Variants in ACTR5 observed in about 807,000 individuals in gnomAD.
ACTR5 encodes actin related protein 5, also known as actin-related protein 5.
Under a neutral mutation model 61.2 loss-of-function variants are expected in ACTR5, and 43 were observed. The observed-to-expected ratio is 0.70, with a 90% CI of 0.55 to 0.91. ACTR5 has a LOEUF of 0.91. Ranked by LOEUF, ACTR5 falls within the 40% of genes least tolerant of loss-of-function variation. The pLI, the probability that ACTR5 is intolerant of heterozygous loss-of-function variation, is 0.00. For missense variants in ACTR5, 798 were observed against 782.2 expected (o/e 1.02, Z -0.24); for synonymous variants, 333 against 310.5 (o/e 1.07, Z -0.76).
intron 8 of ACTR5, among the ~76,000 whole-genome samples, chr20:38,767,865 C>T (rs2084497547): frequency 1.3e-5 from 2 of 152,040 alleles, no homozygotes; most frequent in South Asian, 2.1e-4. Context: ...CCTACCCAGT[C>T]CGGGCCCCTG....
Position 38,748,572 on chromosome 20 carries a change from C to T in ACTR5, c.94C>T (p.Pro32Ser), listed in dbSNP as rs1601190955. 1 of 1,520,610 alleles carries T rather than the reference C, an allele frequency of 6.6e-7. No individual in the cohort carries two copies. The highest frequency in any genetic ancestry group is 8.8e-7 in the Non-Finnish European group (1 of 1,137,080). The allele number at this position is 1,520,610 out of a possible 1,614,324, so 94.2% of individuals were successfully genotyped here. A position where few individuals can be genotyped will look rare whatever the true frequency, so the allele number is the denominator to read the frequency against. Residue 32 changes from proline to serine, a missense_variant, in exon 1 of 9, where the codon CCG (proline) becomes TCG (serine). Coordinates refer to ENST00000243903, the MANE Select transcript of ACTR5 (RefSeq NM_024855.4). ...GGTGGCACACGGGCCACTGCCGGTA[C>T]CGCTGGTGCTGGACAACGGGTCGTT... ...GPVAHGPLPV[P>S]LVLDNGSFQV...
At position 38,748,475 on chromosome 20, in the gene ACTR5, C is replaced by T. The variant is rs2084365156; in HGVS notation, c.-4C>T. The T allele has an allele frequency of 4.0e-6, 6 of 1,481,818 alleles. No individual in the cohort carries two copies. The highest frequency in any genetic ancestry group is 5.3e-6 in the Non-Finnish European group (6 of 1,124,350). 91.8% of individuals were successfully genotyped at this position (1,481,818 alleles called of 1,614,324 possible). Reference sequence around the variant, plus strand: ...GAGGGGCGGGGCTGGACGCGCGCTCCAAGATGGCGGCGAACGTGTTCCCGT... The same window carrying T: ...GAGGGGCGGGGCTGGACGCGCGCTCTAAGATGGCGGCGAACGTGTTCCCGT... On this transcript the variant is annotated 5_prime_UTR_variant, in exon 1 of 9. Transcript: ENST00000243903.
intron 4 of ACTR5, 90 bp downstream of exon 4, chr20:38,755,264 T>C: frequency 7.3e-7 from 1 of 1,365,788 alleles, no homozygotes. Flanking sequence ...GGCCTTAAGA[T>C]GCTTTGACTG....
In ACTR5 at chr20:38,755,000, C is replaced by G. The variant is rs760272731; in HGVS notation, c.819C>G (p.Val273=). The change falls in exon 4 of 9, where the codon GTC becomes GTG. Residue 273 remains valine, a synonymous_variant. Coordinates refer to ENST00000243903, the MANE Select transcript of ACTR5 (RefSeq NM_024855.4). ...WRCPDYYENN[V]HKMQLPFSSK... is the part of the protein sequence containing the mutation. The stretch of plus-strand genomic sequence containing the variant: ...GTCCTGATTATTATGAGAATAATGT[C>G]CACAAGATGCAGCTCCCATTTTCCA... 4 of 1,614,100 alleles carry G rather than the reference C, an allele frequency of 2.5e-6. No homozygotes were observed. The African/African-American group carries it at 5.3e-5, about 22-fold the overall frequency.
At chr20:38,766,010 C>T (rs532307694) in intron 6 of ACTR5, among the ~76,000 whole-genome samples, 2 of 152,300 alleles carry the variant, frequency 1.3e-5, no homozygotes, top group African/African-American at 4.8e-5. Context: ...AAGCCTCTCC[C>T]TGCAACTCGG....
intron 4 of ACTR5, 52 bp from the exon 5 acceptor site, chr20:38,755,805 C>T (rs1052354277): frequency 4.9e-5 from 79 of 1,605,982 alleles, no homozygotes; most frequent in South Asian, 2.4e-4. Context: ...TCGTTTTCTC[C>T]GTTTGGCTTT....
At chr20:38,761,673 G>A (rs1456131674) in intron 5 of ACTR5, 1 of 152,942 alleles carries the variant, frequency 6.5e-6, no homozygotes, top group Non-Finnish European at 1.5e-5. Context: ...GGTCGAAGAG[G>A]ACGACCATCC....
chr20:38,771,838 GC>G lies in ACTR5; in HGVS notation c.*25del. The G allele has an allele frequency of 6.3e-7, 1 of 1,598,332 alleles. No individual in the cohort carries two copies. The highest frequency in any genetic ancestry group is 8.5e-7 in the Non-Finnish European group (1 of 1,174,470). On this transcript the variant is annotated 3_prime_UTR_variant, in exon 9 of 9. Transcript: ENST00000243903. ...ATAGCAGAGGCCCTCCAGAGAGACT[GC>G]CCTGCACGCCATGCCTTGGGCCACG...
At chr20:38,749,553 A>G (rs1030580140) in intron 1 of ACTR5, among the ~76,000 whole-genome samples, 1 of 152,234 alleles carries the variant, frequency 6.6e-6, no homozygotes, top group Non-Finnish European at 1.5e-5. Context: ...ATGGGGAGCC[A>G]TGGCAGGGTG....
Position 38,771,760 on chromosome 20 carries a change from C to G in ACTR5, c.1768C>G (p.Gln590Glu). 6.2e-7 allele frequency: 1 copy of G among 1,614,034 alleles called. No homozygotes were observed. Among genetic ancestry groups the G allele is most frequent in the Non-Finnish European group, 8.5e-7 (1 of 1,180,010 alleles). The part of the protein sequence containing the change: ...PKQASRSSDA[Q>E]ASSKGSAAGG... The stretch of plus-strand genomic sequence containing the variant: ...GCAGGCCTCCCGCTCCTCAGATGCC[C>G]AGGCATCCAGCAAGGGCTCCGCTGC... Residue 590 changes from glutamine (Q) to glutamate (E), a missense_variant, in exon 9 of 9, where the codon CAG (glutamine) becomes GAG (glutamate). By Grantham distance (29) the Gln-to-Glu change is conservative. Coordinates refer to ENST00000243903, the MANE Select transcript of ACTR5 (RefSeq NM_024855.4).
At position 38,772,102 on chromosome 20, in the gene ACTR5, A is replaced by G; in HGVS notation, c.*286A>G. 1 of 439,674 alleles carries G rather than the reference A, an allele frequency of 2.3e-6. No homozygotes were observed. Among genetic ancestry groups the G allele is most frequent in the Non-Finnish European group, 4.1e-6 (1 of 242,162 alleles). The allele number at this position is 439,674 out of a possible 1,614,324, so 27.2% of individuals were successfully genotyped here. A position where few individuals can be genotyped will look rare whatever the true frequency, so the allele number is the denominator to read the frequency against. On this transcript the variant is annotated 3_prime_UTR_variant, in exon 9 of 9. Coordinates refer to ENST00000243903, the MANE Select transcript of ACTR5 (RefSeq NM_024855.4). Reference sequence around the variant, plus strand: ...TTCCTGGAGCAGTAAATGAAGACAGAGTGGAGGACACAAATGTACAAAATG... The same window carrying G: ...TTCCTGGAGCAGTAAATGAAGACAGGGTGGAGGACACAAATGTACAAAATG...
At chr20:38,766,839 A>G (rs1477565061) in intron 7 of ACTR5, among the ~76,000 whole-genome samples, 1 of 152,158 alleles carries the variant, frequency 6.6e-6, no homozygotes, top group Non-Finnish European at 1.5e-5. Context: ...TGTGAATTTG[A>G]TAATTCAAGT....
chr20:38,759,157 G>A (rs546443091), intron 5 of ACTR5, among the ~76,000 whole-genome samples: 15 of 152,330 alleles, frequency 9.8e-5, no homozygotes, highest in Middle Eastern at 3.4e-3. Flanking sequence ...GTTGGAAAAC[G>A]CAATGGGCCA....
At chr20:38,752,052 ATTATC>A in intron 2 of ACTR5, 74 bp from the exon 3 acceptor site, 1 of 1,490,062 alleles carries the variant, frequency 6.7e-7, no homozygotes, top group Non-Finnish European at 9.1e-7. Flanking sequence ...TCTGCCTTAA[ATTATC>A]TTGTTTCTCC....
Position 38,750,058 on chromosome 20 carries a change from C to T in ACTR5, c.424C>T (p.Leu142=). 6.2e-7 allele frequency: 1 copy of T among 1,614,214 alleles called. No homozygotes were observed. Among genetic ancestry groups the T allele is most frequent in the South Asian group, 1.1e-5 (1 of 91,090 alleles). ...IVLTEAVCNP[L]YSRQMMSELL... is the part of the protein sequence containing the mutation. ...TTTGACAGAAGCTGTGTGCAACCCA[C>T]TGTATTCACGGCAAATGATGTCTGA... is the stretch of plus-strand genomic sequence containing the variant. The change falls in exon 2 of 9, where the codon CTG becomes TTG. Residue 142 remains leucine (L), a synonymous_variant. Coordinates refer to ENST00000243903, the MANE Select transcript of ACTR5 (RefSeq NM_024855.4).
At chr20:38,754,211 C>G (rs762210809) in intron 3 of ACTR5, among the ~76,000 whole-genome samples, 1 of 152,120 alleles carries the variant, frequency 6.6e-6, no homozygotes, top group Non-Finnish European at 1.5e-5. Context: ...TTTATCATTT[C>G]TGTTGCTCTT....
At chr20:38,762,492 T>G (rs1345463960) in intron 5 of ACTR5, among the ~76,000 whole-genome samples, 1 of 152,144 alleles carries the variant, frequency 6.6e-6, no homozygotes, top group Non-Finnish European at 1.5e-5. Flanking sequence ...CACCTCTGTT[T>G]GGGGAGTGTC....
chr20:38,766,924 C>T (rs2084490261), intron 7 of ACTR5, among the ~76,000 whole-genome samples: 1 of 152,124 alleles, frequency 6.6e-6, no homozygotes, highest in Admixed American at 6.5e-5. Context: ...TTGTACCTAG[C>T]AAGGAAGAAA....
intron 3 of ACTR5, among the ~76,000 whole-genome samples, chr20:38,754,606 C>T (rs544958053): frequency 1.3e-5 from 2 of 152,176 alleles, no homozygotes; most frequent in African/African-American, 4.8e-5. Flanking sequence ...GTAGTCCCAG[C>T]TACTCAGGAG....
Sources: allele counts gnomAD v4.1 joint callset (sites outside exome capture counted in the v4.1 genomes callset), GRCh38; gene constraint gnomAD v4.1.1; transcripts MANE v1.5; gene names NCBI Gene and HGNC (gene_info 2026-07-23, HGNC 2026-07-21).